PRDM16: variants seen among roughly 807,000 people sequenced by gnomAD.
The protein encoded by PRDM16 is PR/SET domain 16.
A neutral mutation model predicts 110.6 loss-of-function variants in PRDM16; 23 were observed. That is an observed-to-expected ratio of 0.21 (90% CI 0.15 to 0.29). PRDM16 has a LOEUF of 0.29. PRDM16 is among the 10% of genes least tolerant of loss of function. The pLI is 1.00. For synonymous variants in PRDM16, 799 were observed against 781.8 expected, an observed-to-expected ratio of 1.02 and a Z score of -0.37; for missense variants, 1,615 against 1,794.3, an observed-to-expected ratio of 0.90 and a Z score of 1.81.
At chr1:3,351,197 C>T (rs557435295) in intron 3 of PRDM16, among the ~76,000 whole-genome samples, 6 of 152,272 alleles carry the variant, frequency 3.9e-5, no homozygotes, top group African/African-American at 1.2e-4. Context: ...GGCCCCTGGC[C>T]AGTGCCAGCT....
intron 2 of PRDM16, among the ~76,000 whole-genome samples, chr1:3,192,695 C>G (rs1265510989): frequency 6.6e-6 from 1 of 152,100 alleles, no homozygotes; most frequent in Non-Finnish European, 1.5e-5. Flanking sequence ...TAACCAAGCC[C>G]CAGCTCCTGC....
chr1:3,247,208 C>T (rs898978132), intron 3 of PRDM16, among the ~76,000 whole-genome samples: 2 of 152,166 alleles, frequency 1.3e-5, no homozygotes, highest in African/African-American at 4.8e-5. Flanking sequence ...TCATCCACCT[C>T]TGGGAGGATT....
intron 2 of PRDM16, among the ~76,000 whole-genome samples, chr1:3,202,877 A>C (rs536523127): frequency 1.3e-5 from 2 of 152,244 alleles, no homozygotes; most frequent in East Asian, 3.9e-4. Flanking sequence ...GGCCCCACCC[A>C]ACTCCAGCCT....
chr1:3,356,300 G>T (rs1310903306), intron 3 of PRDM16, among the ~76,000 whole-genome samples: 1 of 152,198 alleles, frequency 6.6e-6, no homozygotes, highest in African/African-American at 2.4e-5. Context: ...CATCTCTAAA[G>T]GTGACAGTGC....
chr1:3,410,951 A>G (rs1407567937), intron 8 of PRDM16, among the ~76,000 whole-genome samples: 1 of 152,184 alleles, frequency 6.6e-6, no homozygotes, highest in African/African-American at 2.4e-5. Flanking sequence ...TGGCAAGCCC[A>G]TTCTCCAGCA....
At chr1:3,397,428 A>C (rs1326986436) in intron 5 of PRDM16, among the ~76,000 whole-genome samples, 2 of 152,232 alleles carry the variant, frequency 1.3e-5, no homozygotes, top group African/African-American at 4.8e-5. Context: ...CTCTTCCCAG[A>C]TACAGGCTCA....
rs1414551460 is a variant in PRDM16, at chr1:3,426,362, A to T, written c.3284+137A>T. 15 of 633,396 alleles carry T rather than the reference A, an allele frequency of 2.4e-5. No individual in the cohort carries two copies. In the Admixed American group the frequency reaches 2.6e-4, roughly 11 times the overall value. 39.2% of individuals were successfully genotyped at this position (633,396 alleles called of 1,614,324 possible). A position where few individuals can be genotyped will look rare whatever the true frequency, so the allele number is the denominator to read the frequency against. On this transcript the variant is annotated intron_variant, in intron 14 of 16. Coordinates refer to ENST00000270722, the MANE Select transcript of PRDM16 (RefSeq NM_022114.4). ...ATAGGCGCAGTGGGGGCCTCACCAC[A>T]GAGGGTGAGGCCCCTGGGCTCTGGG...
At chr1:3,084,969 C>A (rs1017606213) in intron 1 of PRDM16, among the ~76,000 whole-genome samples, 1 of 152,160 alleles carries the variant, frequency 6.6e-6, no homozygotes, top group Non-Finnish European at 1.5e-5. Flanking sequence ...GTGTTGCAGG[C>A]GGGCGGGTGC....
At chr1:3,182,249 T>C (rs544660695) in intron 1 of PRDM16, among the ~76,000 whole-genome samples, 1 of 152,348 alleles carries the variant, frequency 6.6e-6, no homozygotes, top group East Asian at 1.9e-4. Context: ...GGCTGAAATC[T>C]GCCCATCCCT....
intron 3 of PRDM16, among the ~76,000 whole-genome samples, chr1:3,272,456 G>A (rs963597436): frequency 2.0e-5 from 3 of 152,122 alleles, no homozygotes; most frequent in Non-Finnish European, 2.9e-5. Flanking sequence ...TGGGCACGGC[G>A]GCTAGAGTCG....
intron 2 of PRDM16, among the ~76,000 whole-genome samples, chr1:3,223,629 G>A (rs1318388734): frequency 1.3e-5 from 2 of 152,136 alleles, no homozygotes; most frequent in African/African-American, 2.4e-5. Flanking sequence ...TACCTCTCAG[G>A]GCTGCAGGGG....
At chr1:3,111,756 G>A (rs990134881) in intron 1 of PRDM16, among the ~76,000 whole-genome samples, 1 of 151,964 alleles carries the variant, frequency 6.6e-6, no homozygotes, top group South Asian at 2.1e-4. Context: ...TTTTTTCTTC[G>A]CGGCTGAAAA....
intron 2 of PRDM16, among the ~76,000 whole-genome samples, chr1:3,198,272 G>A (rs1402596548): frequency 6.6e-6 from 1 of 152,238 alleles, no homozygotes; most frequent in African/African-American, 2.4e-5. Flanking sequence ...TCTGGGGTGA[G>A]GAGTTTATCT....
At chr1:3,276,326 A>G (rs1640581833) in intron 3 of PRDM16, among the ~76,000 whole-genome samples, 1 of 152,192 alleles carries the variant, frequency 6.6e-6, no homozygotes, top group African/African-American at 2.4e-5. Context: ...TCAGCACCGC[A>G]GACTCCAGCA....
chr1:3,160,256 G>A (rs917431435), intron 1 of PRDM16, among the ~76,000 whole-genome samples: 2 of 152,232 alleles, frequency 1.3e-5, no homozygotes, highest in African/African-American at 2.4e-5. Context: ...CAGGCAGGAT[G>A]TGTTGGAGGG....
At chr1:3,234,454 G>A (rs140018586) in intron 2 of PRDM16, among the ~76,000 whole-genome samples, 10 of 152,324 alleles carry the variant, frequency 6.6e-5, no homozygotes, top group South Asian at 2.1e-4. Flanking sequence ...CAAGACAGGC[G>A]GGAGCCGGAC....
intron 12 of PRDM16, among the ~76,000 whole-genome samples, chr1:3,420,020 C>T (rs1016177741): frequency 2.6e-5 from 4 of 151,884 alleles, no homozygotes; most frequent in Non-Finnish European, 4.4e-5. Flanking sequence ...AGAAAATGAG[C>T]TGTGTGTTTT....
chr1:3,235,502 G>A (rs1639518990), intron 2 of PRDM16, among the ~76,000 whole-genome samples: 1 of 152,170 alleles, frequency 6.6e-6, no homozygotes, highest in Non-Finnish European at 1.5e-5. Flanking sequence ...CTGTGCTCGG[G>A]GACAGGGGCC....
At chr1:3,077,547 G>C (rs1641927819) in intron 1 of PRDM16, among the ~76,000 whole-genome samples, 1 of 152,236 alleles carries the variant, frequency 6.6e-6, no homozygotes, top group Non-Finnish European at 1.5e-5. Context: ...GGTCCACCAG[G>C]GTGTTTAGTA....
Sources: allele counts gnomAD v4.1 joint callset (sites outside exome capture counted in the v4.1 genomes callset), GRCh38; gene constraint gnomAD v4.1.1; transcripts MANE v1.5; gene names NCBI Gene and HGNC (gene_info 2026-07-23, HGNC 2026-07-21).